Variants in CLDN10 observed in about 807,000 individuals in gnomAD.
CLDN10 encodes the protein claudin 10.
Under a neutral mutation model 22.9 loss-of-function variants are expected in CLDN10, and 15 were observed. That is an observed-to-expected ratio of 0.65 (90% confidence interval 0.44 to 1.01). CLDN10 has a LOEUF of 1.01. Ranked by LOEUF, CLDN10 falls within the 50% of genes least tolerant of loss-of-function variation. The pLI, the probability that CLDN10 is intolerant of heterozygous loss-of-function variation, is 0.00. For synonymous variants in CLDN10, 114 were observed against 111.4 expected (o/e 1.02, Z -0.15); for missense variants, 247 against 287.8 (o/e 0.86, Z 1.03).
At chr13:95,517,794 C>T (rs1365987981) in intron 1 of CLDN10, among the ~76,000 whole-genome samples, 1 of 151,814 alleles carries the variant, frequency 6.6e-6, no homozygotes, top group African/African-American at 2.4e-5. Context: ...ATTAGCCAGG[C>T]GTGGTGGCGG....
chr13:95,542,844 G>A (rs1388484695), intron 1 of CLDN10, among the ~76,000 whole-genome samples: 2 of 152,124 alleles, frequency 1.3e-5, no homozygotes, highest in African/African-American at 2.4e-5. Context: ...TAAAGACATA[G>A]TTATGACCAT....
chr13:95,530,006 G>T (rs559709859), intron 1 of CLDN10, among the ~76,000 whole-genome samples: 1 of 152,092 alleles, frequency 6.6e-6, no homozygotes, highest in Non-Finnish European at 1.5e-5. Context: ...AATCAAAAAA[G>T]ATATTAAAGG....
chr13:95,568,752 G>T (rs1291597281), intron 3 of CLDN10, among the ~76,000 whole-genome samples: 1 of 152,176 alleles, frequency 6.6e-6, no homozygotes, highest in Admixed American at 6.5e-5. Context: ...TTACAGCAAG[G>T]ATGGTAAATC....
At chr13:95,562,036 T>A (rs1158588139) in intron 3 of CLDN10, among the ~76,000 whole-genome samples, 1 of 151,982 alleles carries the variant, frequency 6.6e-6, no homozygotes, top group Non-Finnish European at 1.5e-5. Context: ...GTCAAGTGAT[T>A]CTCTTGCCTC....
chr13:95,482,705 G>A lies in CLDN10; in HGVS notation c.214+48658G>A, dbSNP rs150770769. On this transcript the variant is annotated intron_variant, in intron 1 of 4. Coordinates refer to the CLDN10 transcript ENST00000376873. ...ATAAATGAATAAACTGGCTGGGCGC[G>A]GTGGCTCACGCCTGTAATCCCAGCA... 8.0e-3 allele frequency among the ~76,000 whole-genome samples: 1,215 copies of A among 152,236 alleles called. 14 individuals are homozygous for A. The highest frequency in any genetic ancestry group is 0.027 in the African/African-American group (1,136 of 41,530).
At chr13:95,443,974 G>A (rs2042347925) in intron 1 of CLDN10, among the ~76,000 whole-genome samples, 1 of 152,012 alleles carries the variant, frequency 6.6e-6, no homozygotes, top group South Asian at 2.1e-4. Context: ...TTGGACTGTG[G>A]GACAGCAAGG....
intron 1 of CLDN10, among the ~76,000 whole-genome samples, chr13:95,528,831 T>G (rs1321039660): frequency 6.6e-6 from 1 of 152,160 alleles, no homozygotes; most frequent in Admixed American, 6.6e-5. Context: ...GAAAAAAAGT[T>G]TATTCAATAA....
At chr13:95,468,064 G>C (rs750625046) in intron 1 of CLDN10, among the ~76,000 whole-genome samples, 1 of 152,084 alleles carries the variant, frequency 6.6e-6, no homozygotes, top group Non-Finnish European at 1.5e-5. Context: ...ATCTAAAAAC[G>C]CCCTCACAGA....
intron 1 of CLDN10, among the ~76,000 whole-genome samples, chr13:95,537,926 A>G (rs2043417492): frequency 1.3e-5 from 2 of 152,206 alleles, no homozygotes; most frequent in South Asian, 4.1e-4. Context: ...GTGGCTATCA[A>G]CTAGAACCCA....
intron 1 of CLDN10, among the ~76,000 whole-genome samples, chr13:95,440,859 T>C (rs571267759): frequency 1.3e-5 from 2 of 152,346 alleles, no homozygotes; most frequent in East Asian, 3.9e-4. Flanking sequence ...CTTACAGTGG[T>C]GAAGATGGCG....
rs150666579 is a variant in CLDN10, at chr13:95,450,671, G to A, written c.214+16624G>A. 1.4e-3 allele frequency among the ~76,000 whole-genome samples: 207 copies of A among 152,272 alleles called. 1 individual carries two copies. The highest frequency in any genetic ancestry group is 4.8e-3 in the African/African-American group (199 of 41,546). On this transcript the variant is annotated intron_variant, in intron 1 of 4. Coordinates refer to the CLDN10 transcript ENST00000376873. ...GCTGCTTCTTCAGACTGCACGCCCA[G>A]CCAATGCAAAGTCCTGTCAAATCTG...
intron 1 of CLDN10, among the ~76,000 whole-genome samples, chr13:95,521,914 T>G (rs2043227676): frequency 6.6e-6 from 1 of 152,086 alleles, no homozygotes; most frequent in South Asian, 2.1e-4. Context: ...GTGAAGAGAT[T>G]TGTTCATTTT....
chr13:95,476,169 T>A (rs899980130), intron 1 of CLDN10, among the ~76,000 whole-genome samples: 2 of 152,186 alleles, frequency 1.3e-5, no homozygotes, highest in Non-Finnish European at 2.9e-5. Flanking sequence ...AGGATAGAGA[T>A]GGATTGTCGG....
intron 1 of CLDN10, among the ~76,000 whole-genome samples, chr13:95,492,785 C>T (rs1003346061): frequency 2.6e-5 from 4 of 152,142 alleles, no homozygotes; most frequent in African/African-American, 7.2e-5. Flanking sequence ...CTGATGGATC[C>T]CTGTGGTGTC....
intron 1 of CLDN10, among the ~76,000 whole-genome samples, chr13:95,444,385 T>C (rs771510600): frequency 1.2e-4 from 18 of 152,180 alleles, no homozygotes; most frequent in African/African-American, 2.2e-4. Flanking sequence ...GCAGGAAAAA[T>C]TGATTACCAA....
intron 4 of CLDN10, 21 bp downstream of exon 4, chr13:95,577,359 T>A: frequency 6.9e-7 from 1 of 1,455,814 alleles, no homozygotes; most frequent in Non-Finnish European, 9.7e-7. Context: ...GAGACAAAAA[T>A]GACCTGTTAA....
Position 95,498,620 on chromosome 13 carries a change from C to T in CLDN10, c.215-61512C>T, listed in dbSNP as rs560197986. Among the ~76,000 whole-genome samples the T allele has an allele frequency of 1.1e-4, 16 of 152,272 alleles. No homozygotes were observed. In the South Asian group the frequency reaches 3.1e-3, roughly 30 times the overall value. Reference sequence around the variant, plus strand: ...ATGTTTGCCAGGCTGGTCTCAAACTCCTGGCCTTAAGTGATCCACCCATCT... The same window carrying T: ...ATGTTTGCCAGGCTGGTCTCAAACTTCTGGCCTTAAGTGATCCACCCATCT... On this transcript the variant is annotated intron_variant, in intron 1 of 4. Coordinates refer to the CLDN10 transcript ENST00000376873.
intron 1 of CLDN10, among the ~76,000 whole-genome samples, chr13:95,545,849 G>A (rs908091407): frequency 3.3e-5 from 5 of 152,270 alleles, no homozygotes; most frequent in Non-Finnish European, 4.4e-5. Flanking sequence ...CTGGCAGAAC[G>A]TTCCCATTCA....
At chr13:95,555,294 C>G (rs543667699) in intron 1 of CLDN10, among the ~76,000 whole-genome samples, 1 of 152,218 alleles carries the variant, frequency 6.6e-6, no homozygotes, top group Non-Finnish European at 1.5e-5. Flanking sequence ...GTCATCCACC[C>G]TCCTCGGCCT....
Sources: gnomAD v4.1 joint callset for allele counts (sites outside exome capture counted in the v4.1 genomes callset) on GRCh38, gnomAD v4.1.1 for gene constraint, MANE v1.5 for transcripts, NCBI Gene and HGNC (gene_info 2026-07-23, HGNC 2026-07-21) for gene names.